Variants in IPMK observed in about 807,000 individuals in gnomAD.
IPMK encodes the protein inositol polyphosphate multikinase.
A neutral mutation model predicts 45.8 loss-of-function variants in IPMK; 17 were observed. That is an observed-to-expected ratio of 0.37 (90% CI 0.25 to 0.56). IPMK has a LOEUF of 0.56. Among genes scored for constraint, IPMK ranks in the 20% least tolerant of loss-of-function variants. The probability of loss-of-function intolerance (pLI) is 0.79; values close to 1 mark genes in which losing one functional copy is unlikely to be tolerated. For synonymous variants in IPMK, 180 were observed against 184.3 expected (o/e 0.98, Z 0.19); for missense variants, 399 against 498.0 (o/e 0.80, Z 1.89).
intron 1 of IPMK, among the ~76,000 whole-genome samples, chr10:58,240,217 A>G (rs926236092): frequency 5.9e-5 from 9 of 152,156 alleles, no homozygotes; most frequent in African/African-American, 2.2e-4. Context: ...TACAAAAAAA[A>G]ACTCTAAAAC....
intron 1 of IPMK, among the ~76,000 whole-genome samples, chr10:58,251,692 T>A (rs1838882833): frequency 6.6e-6 from 1 of 152,208 alleles, no homozygotes; most frequent in Non-Finnish European, 1.5e-5. Context: ...ACAATTGTTA[T>A]ATCCTCTTGC....
intron 3 of IPMK, 39 bp downstream of exon 3, chr10:58,227,004 T>G (rs745521811): frequency 1.4e-6 from 2 of 1,403,116 alleles, no homozygotes; most frequent in African/African-American, 2.8e-5. Flanking sequence ...GCTACACTCA[T>G]GAATTAAAAC....
At chr10:58,205,227 C>T (rs1838054280) in intron 4 of IPMK, among the ~76,000 whole-genome samples, 1 of 152,034 alleles carries the variant, frequency 6.6e-6, no homozygotes, top group South Asian at 2.1e-4. Flanking sequence ...GTAAATTGGA[C>T]TTCAAAATTA....
At chr10:58,225,644 A>C (rs1418288563) in intron 3 of IPMK, among the ~76,000 whole-genome samples, 2 of 152,192 alleles carry the variant, frequency 1.3e-5, no homozygotes, top group African/African-American at 4.8e-5. Flanking sequence ...TTAATTACGT[A>C]GATTTTCAAT....
intron 1 of IPMK, among the ~76,000 whole-genome samples, chr10:58,260,306 A>G (rs1839043923): frequency 6.6e-6 from 1 of 152,262 alleles, no homozygotes; most frequent in Admixed American, 6.5e-5. Context: ...ACAGGAAACT[A>G]AAGAATCGTA....
chr10:58,249,620 A>C (rs1838854060), intron 1 of IPMK, among the ~76,000 whole-genome samples: 1 of 152,164 alleles, frequency 6.6e-6, no homozygotes, highest in Non-Finnish European at 1.5e-5. Context: ...TCACAAGGAT[A>C]GTCTACAGAT....
intron 1 of IPMK, among the ~76,000 whole-genome samples, chr10:58,249,190 T>C (rs1428221884): frequency 6.6e-6 from 1 of 152,244 alleles, no homozygotes; most frequent in Non-Finnish European, 1.5e-5. Flanking sequence ...TGGCAGCATC[T>C]GCTATCCTTT....
At position 58,227,056 on chromosome 10, in the gene IPMK, G is replaced by A. The variant is rs1019674063; in HGVS notation, c.360C>T (p.Pro120=). 5.0e-6 allele frequency: 8 copies of A among 1,607,618 alleles called. No individual in the cohort carries two copies. Among genetic ancestry groups the A allele is most frequent in the Admixed American group, 1.7e-5 (1 of 59,938 alleles). ...LPKYYGIWSP[P]TAPNDLYLKL... ...TGACAAGATTACCGTTTGGTGCAGT[G>A]GGAGGTGACCAGATGCCATAATATT... Residue 120 remains proline, a synonymous_variant, in exon 3 of 6, where the codon CCC becomes CCT. Coordinates refer to ENST00000373935, the MANE Select transcript of IPMK (RefSeq NM_152230.5).
At chr10:58,233,374 G>A (rs1214579719) in intron 2 of IPMK, among the ~76,000 whole-genome samples, 1 of 152,088 alleles carries the variant, frequency 6.6e-6, no homozygotes, top group Non-Finnish European at 1.5e-5. Flanking sequence ...ACAAAAAAAA[G>A]GGAATTTTAG....
intron 4 of IPMK, among the ~76,000 whole-genome samples, chr10:58,204,386 G>A (rs548157814): frequency 3.9e-5 from 6 of 152,132 alleles, no homozygotes; most frequent in African/African-American, 7.2e-5. Context: ...TTCCTCGTAC[G>A]TCACCATATT....
intron 1 of IPMK, among the ~76,000 whole-genome samples, chr10:58,244,536 C>G (rs929087402): frequency 6.6e-6 from 1 of 152,176 alleles, no homozygotes; most frequent in African/African-American, 2.4e-5. Context: ...CCAACAGCTC[C>G]GAAGAGACAG....
chr10:58,255,809 CAGA>C (rs1838959253), intron 1 of IPMK, among the ~76,000 whole-genome samples: 1 of 152,134 alleles, frequency 6.6e-6, no homozygotes, highest in African/African-American at 2.4e-5. Flanking sequence ...GAAGCCACAA[CAGA>C]AGAACATAAA....
chr10:58,211,919 A>AAAAAAAAAAAATAAAAT (rs967150743), intron 4 of IPMK, among the ~76,000 whole-genome samples: 1 of 148,188 alleles, frequency 6.7e-6, no homozygotes, highest in African/African-American at 2.6e-5. Context: ...AAAAAAAAAA[A>AAAAAAAAAAAATAAAAT]AAAAAATTTG....
chr10:58,237,741 T>A lies in IPMK; in HGVS notation c.264A>T (p.Glu88Asp), dbSNP rs1838635830. Residue 88 changes from glutamate to aspartate, a missense_variant, in exon 2 of 6, where the codon GAA (glutamate) becomes GAT (aspartate). Transcript: ENST00000373935. ...QPPPRGPRELEFYNMVYAADC... is the reference protein window; with the variant it reads ...QPPPRGPRELDFYNMVYAADC... ...TTACCTCACTTACCATATTATAGAA[T>A]TCCAGCTCTCTTGGGCCCCTTGGAG... The A allele has an allele frequency of 6.2e-7, 1 of 1,611,664 alleles. No individual in the cohort carries two copies. The highest frequency in any genetic ancestry group is 1.7e-5 in the Admixed American group (1 of 59,990).
At chr10:58,236,942 C>T (rs996773696) in intron 2 of IPMK, among the ~76,000 whole-genome samples, 7 of 152,212 alleles carry the variant, frequency 4.6e-5, no homozygotes, top group African/African-American at 7.2e-5. Context: ...GCGTGGCACA[C>T]GCCTGTAGTT....
At chr10:58,222,595 T>C (rs1838354281) in intron 3 of IPMK, among the ~76,000 whole-genome samples, 1 of 152,130 alleles carries the variant, frequency 6.6e-6, no homozygotes, top group Non-Finnish European at 1.5e-5. Context: ...ATATGTGGAG[T>C]TCATTTCAAG....
chr10:58,212,933 TC>T, intron 4 of IPMK: 1 of 218,348 alleles, frequency 4.6e-6, no homozygotes. Context: ...CTGACCATAT[TC>T]CCCTCCACCA....
chr10:58,229,668 A>G (rs1333027046), intron 2 of IPMK, among the ~76,000 whole-genome samples: 1 of 152,136 alleles, frequency 6.6e-6, no homozygotes, highest in African/African-American at 2.4e-5. Context: ...TTAAAAATCT[A>G]TCCTTCCCAG....
At chr10:58,208,085 C>T (rs572456957) in intron 4 of IPMK, among the ~76,000 whole-genome samples, 125 of 152,128 alleles carry the variant, frequency 8.2e-4, no homozygotes, top group South Asian at 4.4e-3. Flanking sequence ...GGACTACAGG[C>T]GCCCGCCACC....
Sources: gnomAD v4.1 joint callset for allele counts (sites outside exome capture counted in the v4.1 genomes callset) on GRCh38, gnomAD v4.1.1 for gene constraint, MANE v1.5 for transcripts, NCBI Gene and HGNC (gene_info 2026-07-23, HGNC 2026-07-21) for gene names.